Variants in DPP6 observed in about 807,000 individuals in gnomAD.
DPP6 encodes dipeptidyl peptidase like 6.
Under a neutral mutation model 122.6 loss-of-function variants are expected in DPP6, and 69 were observed. That is an observed-to-expected ratio of 0.56 (90% CI 0.46 to 0.69). The LOEUF is 0.69. Ranked by LOEUF, DPP6 falls within the 30% of genes least tolerant of loss-of-function variation. The probability of loss-of-function intolerance (pLI) is 0.00; values close to 1 mark genes in which losing one functional copy is unlikely to be tolerated. For missense variants in DPP6, 928 were observed against 1,116.9 expected (o/e 0.83, Z 2.41); for synonymous variants, 418 against 433.1 (o/e 0.97, Z 0.43).
At position 154,176,087 on chromosome 7, in the gene DPP6, G is replaced by T. The variant is rs975481833; in HGVS notation, c.243+123024G>T. ...ATACATATTTTGTGTTCATGGAATA[G>T]GAGGAAATTAGTTGGCCTTTCAGAA... On this transcript the variant is annotated intron_variant, in intron 1 of 25. Transcript: ENST00000377770. Among the ~76,000 whole-genome samples the T allele has an allele frequency of 1.1e-4, 16 of 152,302 alleles. No homozygotes were observed. The East Asian group carries it at 3.1e-3, about 29-fold the overall frequency.
intron 5 of DPP6, among the ~76,000 whole-genome samples, chr7:154,575,016 GGTGGTGTATGTGT>G (rs1831450649): frequency 2.2e-5 from 3 of 136,724 alleles, no homozygotes; most frequent in Non-Finnish European, 3.2e-5. Context: ...TGTGTTTGTG[GGTGGTGTATGTGT>G]GTGGTGTGTG....
Position 154,438,200 on chromosome 7 carries a change from G to A in DPP6, c.244-8014G>A, listed in dbSNP as rs1038785544. Among the ~76,000 whole-genome samples the A allele has an allele frequency of 2.2e-4, 33 of 152,172 alleles. 1 individual carries two copies. The highest frequency in any genetic ancestry group is 7.5e-4 in the African/African-American group (31 of 41,542). ...TATCTCCTAAAGGCTGGGCACTGTGGCAAATGCCTGTAATCCCAGAACTTT... is the reference window on the plus strand; with the variant it reads ...TATCTCCTAAAGGCTGGGCACTGTGACAAATGCCTGTAATCCCAGAACTTT... On this transcript the variant is annotated intron_variant, in intron 1 of 25. Coordinates refer to ENST00000377770, the MANE Select transcript of DPP6 (RefSeq NM_130797.4).
At chr7:154,120,913 A>G (rs1807402428) in intron 1 of DPP6, among the ~76,000 whole-genome samples, 1 of 152,132 alleles carries the variant, frequency 6.6e-6, no homozygotes, top group Non-Finnish European at 1.5e-5. Flanking sequence ...CCCAGATCTC[A>G]CTTTGAATTG....
chr7:154,730,306 CT>C lies in DPP6; in HGVS notation c.883+2420del, dbSNP rs1344608555. ...AGTGGTTCAAAGTAAGGCTGTGGAG[CT>C]GCAGGGACCCAGGGAGGAGACCTGG... On this transcript the variant is annotated intron_variant, in intron 8 of 25. Transcript: ENST00000377770. 1.4e-4 allele frequency among the ~76,000 whole-genome samples: 21 copies of C among 152,220 alleles called. No individual in the cohort carries two copies. In the East Asian group the frequency reaches 4.1e-3, roughly 30 times the overall value.
chr7:153,813,539 C>A, the DPP6 span, among the ~76,000 whole-genome samples: 1 of 152,002 alleles, frequency 6.6e-6, no homozygotes, highest in East Asian at 1.9e-4. Context: ...GGGTATATAC[C>A]CAGTAATGGG....
chr7:154,669,347 G>A lies in DPP6; in HGVS notation c.681-13G>A. ...CATTTTGCTTTGTTTTTGTTTGTTTGTTCAATTTTCAGGGATCCTCAAAGT... is the reference window on the plus strand; with the variant it reads ...CATTTTGCTTTGTTTTTGTTTGTTTATTCAATTTTCAGGGATCCTCAAAGT... On this transcript the variant is annotated splice_polypyrimidine_tract_variant and intron_variant, in intron 6 of 25. Transcript: ENST00000377770. The A allele has an allele frequency of 1.9e-6, 3 of 1,552,460 alleles. No homozygotes were observed. The highest frequency in any genetic ancestry group is 1.7e-6 in the Non-Finnish European group (2 of 1,147,384).
At chr7:153,844,650 A>C in the DPP6 span, among the ~76,000 whole-genome samples, 24 of 152,326 alleles carry the variant, frequency 1.6e-4, no homozygotes, top group South Asian at 2.1e-4. Flanking sequence ...GGTCATACAA[A>C]ACAAATGGTG....
chr7:154,326,480 G>A (rs994252062), intron 1 of DPP6, among the ~76,000 whole-genome samples: 4 of 152,158 alleles, frequency 2.6e-5, no homozygotes, highest in African/African-American at 2.4e-5. Flanking sequence ...TAAGAAATGC[G>A]ATATGAATAT....
At position 154,109,953 on chromosome 7, in the gene DPP6, G is replaced by A. The variant is rs879461085; in HGVS notation, c.243+56890G>A. On this transcript the variant is annotated intron_variant, in intron 1 of 25. Transcript: ENST00000377770. The stretch of plus-strand genomic sequence containing the variant: ...GGGAACCCTAATTGGGGTGCAGGGT[G>A]GGGGAGCAACAGAATGCAAAATAGC... Among the ~76,000 whole-genome samples the A allele has an allele frequency of 1.0e-3, 149 of 142,196 alleles. 1 individual carries two copies. Among genetic ancestry groups the A allele is most frequent in the Middle Eastern group, 3.5e-3 (1 of 286 alleles). The allele number at this position is 142,196 out of a possible 152,430, so 93.3% of individuals were successfully genotyped here.
At chr7:154,855,908 A>AGG (rs1802794216) in intron 17 of DPP6, among the ~76,000 whole-genome samples, 1 of 152,200 alleles carries the variant, frequency 6.6e-6, no homozygotes, top group African/African-American at 2.4e-5. Flanking sequence ...GGTATTTGTG[A>AGG]GGTTTTCCCC....
At chr7:154,659,926 A>G (rs928555293) in intron 6 of DPP6, among the ~76,000 whole-genome samples, 4 of 152,258 alleles carry the variant, frequency 2.6e-5, no homozygotes, top group African/African-American at 9.6e-5. Flanking sequence ...ATTCTGTAGG[A>G]CGAGGGTAGC....
At chr7:153,988,904 T>G (rs1357810838) in intron 1 of DPP6, among the ~76,000 whole-genome samples, 2 of 148,828 alleles carry the variant, frequency 1.3e-5, no homozygotes, top group East Asian at 4.0e-4. Flanking sequence ...TGTATGGAAG[T>G]CAGGCGGGCC....
At chr7:153,866,310 A>G in the DPP6 span, among the ~76,000 whole-genome samples, 1 of 152,070 alleles carries the variant, frequency 6.6e-6, no homozygotes, top group Non-Finnish European at 1.5e-5. Flanking sequence ...CCTCTCCAGC[A>G]CCTGTTGTTT....
the DPP6 span, among the ~76,000 whole-genome samples, chr7:153,837,801 G>A: frequency 6.7e-6 from 1 of 149,020 alleles, no homozygotes; most frequent in Non-Finnish European, 1.5e-5. Flanking sequence ...CTCCTGAGTA[G>A]CTGGGACTAC....
At position 154,041,754 on chromosome 7, in the gene DPP6, T is replaced by G. The variant is rs112525256; in HGVS notation, c.51+154020T>G. Among the ~76,000 whole-genome samples, 745 of 151,406 alleles carry G rather than the reference T, an allele frequency of 4.9e-3. 3 individuals are homozygous for G. The highest frequency in any genetic ancestry group is 0.017 in the African/African-American group (711 of 40,776). ...TGGCCCCTTCTTCTCATGTTTGTTT[T>G]TTTTGTTGTTTGTTTGTTTGAGACA... On this transcript the variant is annotated intron_variant, in intron 1 of 25. Coordinates refer to the DPP6 transcript ENST00000404039.
At chr7:154,239,657 A>G (rs1218632820) in intron 1 of DPP6, among the ~76,000 whole-genome samples, 1 of 152,054 alleles carries the variant, frequency 6.6e-6, no homozygotes, top group Non-Finnish European at 1.5e-5. Flanking sequence ...ATTACTAGTT[A>G]TGTTGTGGTG....
intron 21 of DPP6, chr7:154,884,406 CG>C (rs1805896777): frequency 6.7e-6 from 1 of 150,334 alleles, no homozygotes; most frequent in South Asian, 2.1e-4. Flanking sequence ...CATGCTCACA[CG>C]ATTACATACA....
At chr7:154,767,827 T>A (rs573514803) in intron 8 of DPP6, among the ~76,000 whole-genome samples, 1 of 152,296 alleles carries the variant, frequency 6.6e-6, no homozygotes, top group Non-Finnish European at 1.5e-5. Context: ...GGGTTTGTAT[T>A]TCAGGAGACT....
At chr7:154,610,812 G>T (rs1021212956) in intron 5 of DPP6, among the ~76,000 whole-genome samples, 1 of 151,638 alleles carries the variant, frequency 6.6e-6, no homozygotes, top group Admixed American at 6.6e-5. Flanking sequence ...GGTTTGCACT[G>T]ATTTTCACCC....
Sources: gnomAD v4.1 joint callset for allele counts (sites outside exome capture counted in the v4.1 genomes callset) on GRCh38, gnomAD v4.1.1 for gene constraint, MANE v1.5 for transcripts, NCBI Gene and HGNC (gene_info 2026-07-23, HGNC 2026-07-21) for gene names.